The following USP32 variants were observed in gnomAD, a reference collection of about 807,000 sequenced individuals.
USP32 encodes ubiquitin specific peptidase 32, also known as ubiquitin carboxyl-terminal hydrolase 32.
USP32 carries 59 observed loss-of-function variants against 204.8 expected under a neutral mutation model. The observed-to-expected ratio is 0.29, with a 90% CI of 0.23 to 0.36. USP32 has a LOEUF of 0.36. Among genes scored for constraint, USP32 ranks in the 10% least tolerant of loss-of-function variants. The pLI, the probability that USP32 is intolerant of heterozygous loss-of-function variation, is 1.00. For synonymous variants in USP32, 517 were observed against 678.4 expected, an observed-to-expected ratio of 0.76 and a Z score of 3.70; for missense variants, 1,160 against 1,946.4, an observed-to-expected ratio of 0.60 and a Z score of 7.60.
At chr17:60,354,431 A>T (rs1205424971) in intron 1 of USP32, among the ~76,000 whole-genome samples, 1 of 152,222 alleles carries the variant, frequency 6.6e-6, no homozygotes, top group Admixed American at 6.5e-5. Flanking sequence ...ACAGAGATAA[A>T]TAAACATTGG....
chr17:60,421,358 C>G, intron 1 of USP32: 1 of 985,486 alleles, frequency 1.0e-6, no homozygotes, highest in South Asian at 4.7e-5. Context: ...CTCCGGGCCT[C>G]CGGGCTACCC....
At chr17:60,242,121 T>C (rs2085893834) in intron 11 of USP32, among the ~76,000 whole-genome samples, 1 of 152,214 alleles carries the variant, frequency 6.6e-6, no homozygotes, top group Non-Finnish European at 1.5e-5. Flanking sequence ...TTTTTGTTTT[T>C]TAAAGAGACA....
intron 5 of USP32, among the ~76,000 whole-genome samples, chr17:60,274,515 C>T (rs981739053): frequency 1.3e-5 from 2 of 151,898 alleles, no homozygotes; most frequent in Non-Finnish European, 2.9e-5. Context: ...AGAAAAAAAT[C>T]TTAAAAGGAG....
intron 2 of USP32, among the ~76,000 whole-genome samples, chr17:60,336,487 G>A (rs1433350491): frequency 4.9e-5 from 7 of 141,508 alleles, no homozygotes; most frequent in East Asian, 2.0e-4. Flanking sequence ...AGGCCGAGGC[G>A]GGCGGATCAC....
At chr17:60,344,854 G>A (rs2088747507) in intron 2 of USP32, among the ~76,000 whole-genome samples, 1 of 151,988 alleles carries the variant, frequency 6.6e-6, no homozygotes. Flanking sequence ...TTTAGAGACA[G>A]TGTCTCACTA....
intron 1 of USP32, chr17:60,421,622 C>G (rs1212035539): frequency 2.0e-6 from 2 of 977,876 alleles, no homozygotes. Context: ...TCGCCGGGAC[C>G]CCGCCGTGTG....
At chr17:60,323,552 G>A (rs367743880) in intron 2 of USP32, among the ~76,000 whole-genome samples, 1 of 152,154 alleles carries the variant, frequency 6.6e-6, no homozygotes, top group Non-Finnish European at 1.5e-5. Flanking sequence ...ACAACTCTAT[G>A]AACATAGTAA....
At chr17:60,368,200 C>T (rs1040832435) in intron 1 of USP32, among the ~76,000 whole-genome samples, 8 of 152,086 alleles carry the variant, frequency 5.3e-5, no homozygotes. Flanking sequence ...CCAACCTTCC[C>T]GCAGAAAGAG....
chr17:60,212,202 T>C (rs1378473403), intron 18 of USP32, 104 bp from the exon 19 acceptor site: 2 of 981,250 alleles, frequency 2.0e-6, no homozygotes, highest in African/African-American at 1.7e-5. Context: ...TCAGAAGTTT[T>C]AAAATCTAGT....
rs550175682 is a variant in USP32 at position 60,267,173 on chromosome 17, C to T, written c.812-1082G>A. Among the ~76,000 whole-genome samples the T allele has an allele frequency of 2.6e-5, 4 of 151,586 alleles. No homozygotes were observed. The South Asian group carries it at 8.4e-4, about 32-fold the overall frequency. ...CTGCAATCCCAGTACTTTGGGAGGC[C>T]GAGGTGGGCGAATCGCGAGGTCAGG... is the stretch of plus-strand genomic sequence containing the variant. On this transcript the variant is annotated intron_variant, in intron 7 of 33. Transcript: ENST00000300896.
At chr17:60,392,197 T>G, upstream of USP32, 3 of 396,144 alleles carry the variant, frequency 7.6e-6, no homozygotes, top group African/African-American at 2.2e-5. Flanking sequence ...CTCTCTCTCC[T>G]CCCTCTCCTT....
At chr17:60,342,173 A>G (rs1286418644) in intron 2 of USP32, among the ~76,000 whole-genome samples, 2 of 152,118 alleles carry the variant, frequency 1.3e-5, no homozygotes, top group Non-Finnish European at 2.9e-5. Flanking sequence ...TCTCAGCTGC[A>G]GGTCTGTTGG....
At chr17:60,421,721 C>G (rs1021066423) in intron 1 of USP32, 4 of 799,338 alleles carry the variant, frequency 5.0e-6, no homozygotes, top group Admixed American at 6.2e-5. Flanking sequence ...GCCCGGCCAA[C>G]TCAGACTACA....
chr17:60,381,548 G>T (rs1260164356), intron 1 of USP32, among the ~76,000 whole-genome samples: 3 of 151,814 alleles, frequency 2.0e-5, no homozygotes. Context: ...TGCACCTCTA[G>T]TCATTTTACT....
At chr17:60,208,613 T>C (rs750201668) in intron 23 of USP32, 41 bp downstream of exon 23, 1 of 1,460,740 alleles carries the variant, frequency 6.8e-7, no homozygotes, top group Non-Finnish European at 9.0e-7. Context: ...ATAAAGTAAA[T>C]TTAATGGAGT....
intron 2 of USP32, among the ~76,000 whole-genome samples, chr17:60,310,161 TG>T (rs1369458523): frequency 1.3e-5 from 2 of 152,184 alleles, no homozygotes; most frequent in African/African-American, 4.8e-5. Context: ...GTACAGCCAT[TG>T]TGTAAATTAG....
chr17:60,387,845 T>G (rs1567890945), intron 1 of USP32, among the ~76,000 whole-genome samples: 1 of 152,192 alleles, frequency 6.6e-6, no homozygotes, highest in East Asian at 1.9e-4. Context: ...GAAAATCTCA[T>G]GTAATTTATT....
intron 16 of USP32, among the ~76,000 whole-genome samples, chr17:60,219,236 A>G (rs1055957586): frequency 6.6e-6 from 1 of 152,228 alleles, no homozygotes; most frequent in African/African-American, 2.4e-5. Flanking sequence ...ATAGTATAAG[A>G]GGAATTGCTT....
intron 5 of USP32, among the ~76,000 whole-genome samples, chr17:60,281,256 T>C (rs1426071366): frequency 1.3e-5 from 2 of 152,218 alleles, no homozygotes; most frequent in Admixed American, 6.5e-5. Flanking sequence ...ACACATGCTC[T>C]GGCCGGGTGC....
Sources: gnomAD v4.1 joint callset for allele counts (sites outside exome capture counted in the v4.1 genomes callset) on GRCh38, gnomAD v4.1.1 for gene constraint, MANE v1.5 for transcripts, NCBI Gene and HGNC (gene_info 2026-07-23, HGNC 2026-07-21) for gene names.